The following TENM3 variants were observed in gnomAD, a reference collection of about 807,000 sequenced individuals.
The protein encoded by TENM3 is teneurin transmembrane protein 3.
In TENM3, 63 loss-of-function variants were observed where a neutral mutation model predicts 255.1. That is an observed-to-expected ratio of 0.25 (90% CI 0.20 to 0.30). TENM3 has a LOEUF of 0.30. Ranked by LOEUF, TENM3 falls within the 10% of genes least tolerant of loss-of-function variation. The pLI, the probability that TENM3 is intolerant of heterozygous loss-of-function variation, is 1.00. For missense variants in TENM3, 2,929 were observed against 3,461.1 expected, an observed-to-expected ratio of 0.85 and a Z score of 3.86; for synonymous variants, 1,306 against 1,322.3, an observed-to-expected ratio of 0.99 and a Z score of 0.27.
At chr4:182,018,181 G>T in the TENM3 span, among the ~76,000 whole-genome samples, 1 of 152,170 alleles carries the variant, frequency 6.6e-6, no homozygotes, top group African/African-American at 2.4e-5. Flanking sequence ...AATATTAATT[G>T]ATTTATGTGG....
At chr4:182,308,349 C>T (rs1479637350) in intron 1 of TENM3, among the ~76,000 whole-genome samples, 1 of 151,888 alleles carries the variant, frequency 6.6e-6, no homozygotes. Context: ...CAGGGTCTCA[C>T]TCTGTCACCC....
chr4:182,582,563 G>T (rs1514477), intron 3 of TENM3, among the ~76,000 whole-genome samples: 50,815 of 151,756 alleles, frequency 0.33, 9,810 homozygotes, highest in East Asian at 0.48. Context: ...TTTTTAGTAA[G>T]TCTTTTTTGA....
chr4:181,930,902 C>A, the TENM3 span, among the ~76,000 whole-genome samples: 2 of 152,184 alleles, frequency 1.3e-5, no homozygotes, highest in Non-Finnish European at 2.9e-5. Flanking sequence ...TAAACAGAAC[C>A]AATGACAAAA....
chr4:182,296,643 C>T (rs10520526), intron 1 of TENM3, among the ~76,000 whole-genome samples: 35,703 of 152,130 alleles, frequency 0.23, 4,916 homozygotes, highest in African/African-American at 0.37. Context: ...ATTACAGAAA[C>T]GTGTTTAGCA....
the TENM3 span, among the ~76,000 whole-genome samples, chr4:181,605,006 C>A: frequency 5.3e-5 from 8 of 152,294 alleles, no homozygotes; most frequent in African/African-American, 1.9e-4. Context: ...ATTATTATTA[C>A]TGTGGTGTAA....
the TENM3 span, among the ~76,000 whole-genome samples, chr4:181,884,908 G>A: frequency 6.6e-6 from 1 of 151,766 alleles, no homozygotes; most frequent in Non-Finnish European, 1.5e-5. Context: ...TTTTCCATAT[G>A]GAAAATGTTT....
the TENM3 span, among the ~76,000 whole-genome samples, chr4:181,653,967 C>T: frequency 6.6e-6 from 1 of 151,812 alleles, no homozygotes. Flanking sequence ...GTCTCAATGC[C>T]TGTCCTTCTT....
chr4:182,421,054 T>A (rs1770798985), intron 3 of TENM3, among the ~76,000 whole-genome samples: 1 of 152,174 alleles, frequency 6.6e-6, no homozygotes, highest in South Asian at 2.1e-4. Context: ...AGCTTGCAGA[T>A]AGCCTTCAGA....
chr4:182,094,189 C>G, the TENM3 span, among the ~76,000 whole-genome samples: 3 of 151,944 alleles, frequency 2.0e-5, no homozygotes, highest in Non-Finnish European at 2.9e-5. Flanking sequence ...TACAGAGGAG[C>G]AACAGAAGAG....
At chr4:182,646,617 C>T (rs1230783218) in intron 5 of TENM3, among the ~76,000 whole-genome samples, 1 of 152,116 alleles carries the variant, frequency 6.6e-6, no homozygotes, top group Non-Finnish European at 1.5e-5. Context: ...TGGCGGGTGC[C>T]TGTAACCCCA....
At chr4:182,210,855 C>T (rs1402976020) in intron 1 of TENM3, among the ~76,000 whole-genome samples, 1 of 152,166 alleles carries the variant, frequency 6.6e-6, no homozygotes, top group African/African-American at 2.4e-5. Context: ...TACCCTCTCT[C>T]CGTAGACCGG....
chr4:182,009,229 C>T, the TENM3 span, among the ~76,000 whole-genome samples: 1 of 152,204 alleles, frequency 6.6e-6, no homozygotes, highest in East Asian at 1.9e-4. Context: ...GCATGGGGAG[C>T]AGGACCTGTT....
the TENM3 span, among the ~76,000 whole-genome samples, chr4:182,066,253 C>G: frequency 3.3e-5 from 5 of 151,864 alleles, no homozygotes; most frequent in East Asian, 9.7e-4. Flanking sequence ...ATGACGTCAA[C>G]CTTTTTTTTA....
the TENM3 span, among the ~76,000 whole-genome samples, chr4:182,135,802 T>C: frequency 1.3e-5 from 2 of 152,244 alleles, no homozygotes; most frequent in East Asian, 3.8e-4. Flanking sequence ...GTAAGAAGAA[T>C]GTGAAACTCA....
chr4:182,624,243 C>T (rs1750607693), intron 4 of TENM3, among the ~76,000 whole-genome samples: 2 of 152,146 alleles, frequency 1.3e-5, no homozygotes, highest in Admixed American at 1.3e-4. Context: ...AATATGGTTT[C>T]TTTCTGACAT....
chr4:182,046,148 T>C, the TENM3 span, among the ~76,000 whole-genome samples: 1 of 152,180 alleles, frequency 6.6e-6, no homozygotes, highest in African/African-American at 2.4e-5. Context: ...GCTTTCAGTT[T>C]TCTAATCAGT....
At chr4:182,460,039 C>T (rs887647207) in intron 3 of TENM3, among the ~76,000 whole-genome samples, 1 of 152,002 alleles carries the variant, frequency 6.6e-6, no homozygotes, top group African/African-American at 2.4e-5. Flanking sequence ...CTTCTAAATG[C>T]CTGTGGTGTA....
upstream of TENM3, among the ~76,000 whole-genome samples, chr4:182,240,456 C>G (rs1207459025): frequency 6.6e-6 from 1 of 152,198 alleles, no homozygotes; most frequent in Non-Finnish European, 1.5e-5. Context: ...TGATCCCAGT[C>G]CCCTGTTAGG....
intron 1 of TENM3, among the ~76,000 whole-genome samples, chr4:182,177,501 A>G (rs774291296): frequency 5.3e-5 from 8 of 151,878 alleles, no homozygotes; most frequent in Non-Finnish European, 8.8e-5. Flanking sequence ...TCTGCTATGG[A>G]ACCACCCTGA....
Sources: allele counts gnomAD v4.1 joint callset (sites outside exome capture counted in the v4.1 genomes callset), GRCh38; gene constraint gnomAD v4.1.1; transcripts MANE v1.5; gene names NCBI Gene and HGNC (gene_info 2026-07-23, HGNC 2026-07-21).